Variants in POLQ observed in about 807,000 individuals in gnomAD.
The protein encoded by POLQ is epididymis secretory sperm binding protein.
POLQ carries 233 observed loss-of-function variants against 259.2 expected under a neutral mutation model. The observed-to-expected ratio is 0.90, with a 90% confidence interval of 0.81 to 1.00. The LOEUF (loss-of-function observed/expected upper bound fraction) is 1.00, where lower values mean the gene tolerates loss of function less well. Among genes scored for constraint, POLQ ranks in the 50% least tolerant of loss-of-function variants. POLQ has a pLI of 0.00. For synonymous variants in POLQ, 1,025 were observed against 1,048.8 expected, an observed-to-expected ratio of 0.98 and a Z score of 0.44; for missense variants, 2,871 against 3,051.6, an observed-to-expected ratio of 0.94 and a Z score of 1.39.
Position 121,489,243 on chromosome 3 carries a change from C to T in POLQ, c.3688G>A (p.Asp1230Asn). 1 of 1,611,764 alleles carries T rather than the reference C, an allele frequency of 6.2e-7. No individual in the cohort carries two copies. ...CEAVSSYINR[D>N]SNVTINCERI... is the part of the protein sequence containing the mutation. ...TCACAATTGATAGTAACATTTGAGT[C>T]TCTATTTATGTAACTACTGACTGCT... The change falls in exon 16 of 30, where the codon GAC (aspartate) becomes AAC (asparagine). Residue 1230 changes from aspartate (D) to asparagine (N), a missense_variant. Around this residue, in one of 3 missense-constraint regions of POLQ, gnomAD observed 2,080 missense variants for 2,126.0 expected, o/e 0.98. Transcript: ENST00000264233.
chr3:121,469,178 A>C (rs950459484), intron 22 of POLQ, among the ~76,000 whole-genome samples: 2 of 109,428 alleles, frequency 1.8e-5, no homozygotes, highest in African/African-American at 6.8e-5. Flanking sequence ...ACAGAGTGAG[A>C]CTGTCTCAAA....
intron 12 of POLQ, among the ~76,000 whole-genome samples, 188 bp downstream of exon 12, chr3:121,509,373 G>A (rs577561683): frequency 1.3e-5 from 2 of 152,192 alleles, no homozygotes; most frequent in Middle Eastern, 6.8e-3. Flanking sequence ...TAAATTTAAA[G>A]GTAACTAGAA....
intron 7 of POLQ, 41 bp downstream of exon 7, chr3:121,529,604 T>G: frequency 6.3e-7 from 1 of 1,581,408 alleles, no homozygotes; most frequent in Non-Finnish European, 8.6e-7. Context: ...TTCAAGCAAA[T>G]GTACTAAGCA....
chr3:121,440,484 C>T (rs972373042), intron 26 of POLQ, among the ~76,000 whole-genome samples: 7 of 152,038 alleles, frequency 4.6e-5, no homozygotes, highest in South Asian at 2.1e-4. Flanking sequence ...ACAGGCACCG[C>T]GTCACGATGC....
Position 121,512,027 on chromosome 3 carries a change from C to T in POLQ, c.1471G>A (p.Glu491Lys), listed in dbSNP as rs190592691. Reference sequence around the variant, plus strand: ...GAGTTCTTACAAATTAAGATACTCTCGCCTATAACCAAAAGATACACATTT... The same window carrying T: ...GAGTTCTTACAAATTAAGATACTCTTGCCTATAACCAAAAGATACACATTT... ...AGRKGVDTVG[E>K]SILICKNSEK... Residue 491 changes from glutamate to lysine, a missense_variant and splice_region_variant, in exon 10 of 30, where the codon GAG becomes AAG. This residue lies in a region of POLQ where 783 missense variants were observed against 906.2 expected (regional missense o/e 0.86). Transcript: ENST00000264233. The T allele has an allele frequency of 1.4e-5, 23 of 1,610,352 alleles. No individual in the cohort carries two copies. Among genetic ancestry groups the T allele is most frequent in the African/African-American group, 4.0e-5 (3 of 74,818 alleles).
At position 121,510,352 on chromosome 3, in the gene POLQ, C is replaced by T. The variant is rs544003038; in HGVS notation, c.1612-109G>A. Reference sequence around the variant, plus strand: ...CAGCACTTTGGGAGTCCGAGGCGGGCGGATCACGAGGTCTGGAGATGGAGA... The same window carrying T: ...CAGCACTTTGGGAGTCCGAGGCGGGTGGATCACGAGGTCTGGAGATGGAGA... On this transcript the variant is annotated intron_variant, in intron 10 of 29. Transcript: ENST00000264233. 1.5e-4 allele frequency: 105 copies of T among 696,992 alleles called. 1 individual carries two copies. Among genetic ancestry groups the T allele is most frequent in the Admixed American group, 2.7e-4 (11 of 40,470 alleles). 43.2% of individuals were successfully genotyped at this position (696,992 alleles called of 1,614,324 possible). A position where few individuals can be genotyped will look rare whatever the true frequency, so the allele number is the denominator to read the frequency against.
intron 7 of POLQ, among the ~76,000 whole-genome samples, chr3:121,523,166 C>T (rs1436551838): frequency 2.6e-5 from 4 of 151,992 alleles, no homozygotes; most frequent in African/African-American, 9.7e-5. Flanking sequence ...GACACACGAG[C>T]CACTATGCCC....
chr3:121,444,603 T>C (rs911065611), intron 26 of POLQ, among the ~76,000 whole-genome samples: 1 of 152,198 alleles, frequency 6.6e-6, no homozygotes. Flanking sequence ...TCTTATCTGA[T>C]TGCTTGAGCT....
At chr3:121,451,261 A>T (rs1186687973) in intron 25 of POLQ, among the ~76,000 whole-genome samples, 2 of 152,076 alleles carry the variant, frequency 1.3e-5, no homozygotes, top group African/African-American at 4.8e-5. Flanking sequence ...GAGAAGTTTG[A>T]TTGTCTGAGG....
intron 9 of POLQ, among the ~76,000 whole-genome samples, chr3:121,514,063 T>C (rs1452772991): frequency 1.5e-5 from 2 of 129,524 alleles, no homozygotes; most frequent in African/African-American, 5.9e-5. Context: ...GCATGGTGGC[T>C]CATGCCTGTA....
intron 16 of POLQ, among the ~76,000 whole-genome samples, chr3:121,486,066 C>T (rs1284769091): frequency 6.6e-6 from 1 of 152,122 alleles, no homozygotes; most frequent in Non-Finnish European, 1.5e-5. Flanking sequence ...TCTCTCAAAA[C>T]CTGGAAGAGC....
At chr3:121,466,924 T>C (rs74892526) in intron 24 of POLQ, among the ~76,000 whole-genome samples, 2,110 of 152,266 alleles carry the variant, frequency 0.014, 51 homozygotes, top group African/African-American at 0.048. Context: ...GGTGAAAGAT[T>C]AAAGAACAAA....
In POLQ at chr3:121,432,982, C is replaced by G. The variant is rs752078167; in HGVS notation, c.7595G>C (p.Gly2532Ala). 1 of 1,613,010 alleles carries G rather than the reference C, an allele frequency of 6.2e-7. No homozygotes were observed. The highest frequency in any genetic ancestry group is 1.7e-5 in the Admixed American group (1 of 59,998). The change falls in exon 29 of 30, where the codon GGC (glycine) becomes GCC (alanine). Residue 2532 changes from glycine to alanine, a missense_variant. By Grantham distance (60) the Gly-to-Ala change is moderately conservative (BLOSUM62 0). This residue lies in a region of POLQ where 2,080 missense variants were observed against 2,126.0 expected (regional missense o/e 0.98). Coordinates refer to ENST00000264233, the MANE Select transcript of POLQ (RefSeq NM_199420.4). ...ATCATGGAGTTGAAGGATGAAGAAG[C>G]CTCCTCTGATTGGGCAGAACATCCC... ...LQGMFCPIRG[G>A]FFILQLHDEL... is the part of the protein sequence containing the mutation.
At chr3:121,457,293 C>T (rs1301111565) in intron 25 of POLQ, among the ~76,000 whole-genome samples, 2 of 152,134 alleles carry the variant, frequency 1.3e-5, no homozygotes, top group African/African-American at 4.8e-5. Context: ...AGAAGAAAAC[C>T]TAGGCAATAC....
Position 121,488,853 on chromosome 3 carries a change from G to A in POLQ, c.4078C>T (p.Gln1360Ter), listed in dbSNP as rs749594624. 1 of 1,613,886 alleles carries A rather than the reference G, an allele frequency of 6.2e-7. No individual in the cohort carries two copies. Among genetic ancestry groups the A allele is most frequent in the Non-Finnish European group, 8.5e-7 (1 of 1,179,896 alleles). The change falls in exon 16 of 30, where the codon CAA (glutamine) becomes TAA (stop). Residue 1360 changes from glutamine (Q) to a stop codon, truncating the protein, a stop_gained. Coordinates refer to ENST00000264233, the MANE Select transcript of POLQ (RefSeq NM_199420.4). LOFTEE classifies it high-confidence loss of function. ...AAGIMQKSLV[Q>*]QNSMNSFQKE... ...TGAAAAGAGTTCATTGAGTTCTGTT[G>A]GACTAAGCTCTTCTGCATTATCCCT...
Position 121,539,533 on chromosome 3 carries a change from TG to T in POLQ, c.530del (p.Pro177HisfsTer21), listed in dbSNP as rs751465296. On this transcript the variant is annotated frameshift_variant, in exon 4 of 30. Transcript: ENST00000264233. LOFTEE classifies it high-confidence loss of function. ...KVDGYMGSTS[P>X]SRHFSSLDIA... ...TATCCAATGAAGAGAAATGCCTTGA[TG>T]GAGAGGTGCTGCCCATATAACCGTC... 4.3e-6 allele frequency: 7 copies of T among 1,612,748 alleles called. No homozygotes were observed. In the East Asian group the frequency reaches 1.6e-4, roughly 36 times the overall value.
At chr3:121,455,052 C>G (rs2047720546) in intron 25 of POLQ, among the ~76,000 whole-genome samples, 1 of 152,032 alleles carries the variant, frequency 6.6e-6, no homozygotes, top group South Asian at 2.1e-4. Context: ...ACAGTGCAAT[C>G]AAACTAGAAC....
Position 121,487,873 on chromosome 3 carries a change from C to G in POLQ, c.5058G>C (p.Glu1686Asp). The change falls in exon 16 of 30, where the codon GAG becomes GAC. Residue 1686 changes from glutamate to aspartate, a missense_variant. By Grantham distance (45) the Glu-to-Asp change is conservative. Transcript: ENST00000264233. ...ATGAAATTCCCTGCACTTGTTTTGT[C>G]TCCAAGTTTGAAATAACTTCTTGTT... is the stretch of plus-strand genomic sequence containing the variant. Reference protein sequence around the residue: ...NEEQEVISNLETKQVQGISFS... With the variant: ...NEEQEVISNLDTKQVQGISFS... 1 of 1,610,658 alleles carries G rather than the reference C, an allele frequency of 6.2e-7. No homozygotes were observed. The highest frequency in any genetic ancestry group is 8.5e-7 in the Non-Finnish European group (1 of 1,178,802).
At chr3:121,479,338 C>A (rs2047952454) in intron 19 of POLQ, among the ~76,000 whole-genome samples, 1 of 144,512 alleles carries the variant, frequency 6.9e-6, no homozygotes, top group Non-Finnish European at 1.5e-5. Flanking sequence ...ATAGCAAGAC[C>A]CTCATCTCTA....
Sources: allele counts gnomAD v4.1 joint callset (sites outside exome capture counted in the v4.1 genomes callset), GRCh38; gene constraint gnomAD v4.1.1; regional missense constraint gnomAD v4.1.1; transcripts MANE v1.5; gene names NCBI Gene and HGNC (gene_info 2026-07-23, HGNC 2026-07-21).